Variants in NAPB observed in about 807,000 individuals in gnomAD.
NAPB encodes the protein beta-soluble NSF attachment protein.
A neutral mutation model predicts 44.7 loss-of-function variants in NAPB; 26 were observed. The ratio of observed to expected loss-of-function variants is 0.58; its 90% CI spans 0.43 to 0.81. The LOEUF is 0.81. Ranked by LOEUF, NAPB falls within the 30% of genes least tolerant of loss-of-function variation. The pLI, the probability that NAPB is intolerant of heterozygous loss-of-function variation, is 0.00. For synonymous variants in NAPB, 120 were observed against 116.8 expected (o/e 1.03, Z -0.18); for missense variants, 315 against 356.4 (o/e 0.88, Z 0.94).
At chr20:23,379,992 A>C in intron 8 of NAPB, 57 bp from the exon 9 acceptor site, 1 of 1,398,092 alleles carries the variant, frequency 7.2e-7, no homozygotes, top group East Asian at 2.3e-5. Flanking sequence ...AAAGCTTTCA[A>C]CATTCTATCA....
intron 1 of NAPB, among the ~76,000 whole-genome samples, chr20:23,418,733 C>T (rs1391886568): frequency 6.7e-6 from 1 of 150,242 alleles, no homozygotes; most frequent in African/African-American, 2.5e-5. Flanking sequence ...GTCAGGCATT[C>T]GAGACCAGCC....
chr20:23,418,781 CAA>C (rs921452946), intron 1 of NAPB, among the ~76,000 whole-genome samples: 11 of 120,428 alleles, frequency 9.1e-5, no homozygotes, highest in South Asian at 2.6e-4. Context: ...ACTAAAAATA[CAA>C]AAAAAAAAAA....
chr20:23,391,787 A>G (rs1018852788), intron 5 of NAPB, among the ~76,000 whole-genome samples: 7 of 152,244 alleles, frequency 4.6e-5, no homozygotes, highest in Admixed American at 3.3e-4. Flanking sequence ...CTCAAGGATT[A>G]AAAACCGTAA....
intron 7 of NAPB, among the ~76,000 whole-genome samples, chr20:23,384,893 G>T (rs751254111): frequency 6.6e-6 from 1 of 152,152 alleles, no homozygotes; most frequent in African/African-American, 2.4e-5. Flanking sequence ...GCCAAGGCGG[G>T]TGTATCACCG....
intron 7 of NAPB, among the ~76,000 whole-genome samples, chr20:23,385,209 C>A (rs1302442164): frequency 6.6e-6 from 1 of 151,986 alleles, no homozygotes; most frequent in African/African-American, 2.4e-5. Context: ...AAAGAATGGA[C>A]AAACATATCA....
intron 2 of NAPB, among the ~76,000 whole-genome samples, chr20:23,401,823 G>T (rs1219316331): frequency 6.6e-6 from 1 of 152,234 alleles, no homozygotes; most frequent in African/African-American, 2.4e-5. Flanking sequence ...AGAGATTGCA[G>T]TCAGTCAAGA....
chr20:23,413,460 C>G (rs973309761), intron 1 of NAPB, among the ~76,000 whole-genome samples: 1 of 151,956 alleles, frequency 6.6e-6, no homozygotes, highest in Admixed American at 6.6e-5. Flanking sequence ...AAACACCTCC[C>G]TAGAAAAATG....
chr20:23,394,810 G>T, intron 5 of NAPB, 112 bp downstream of exon 5: 1 of 1,049,020 alleles, frequency 9.5e-7, no homozygotes, highest in Non-Finnish European at 1.4e-6. Flanking sequence ...TCCAGGCAAG[G>T]CCATCTATGA....
At chr20:23,413,660 G>C (rs1243635704) in intron 1 of NAPB, among the ~76,000 whole-genome samples, 1 of 151,992 alleles carries the variant, frequency 6.6e-6, no homozygotes, top group Non-Finnish European at 1.5e-5. Flanking sequence ...TACTAAAACA[G>C]AACATTTTTA....
intron 1 of NAPB, among the ~76,000 whole-genome samples, chr20:23,413,395 A>G (rs185332553): frequency 3.3e-5 from 5 of 152,332 alleles, no homozygotes; most frequent in Admixed American, 3.3e-4. Flanking sequence ...TAAGAAAAAA[A>G]TGTATAGCCA....
chr20:23,377,203 C>A lies in NAPB; in HGVS notation c.*173G>T. On this transcript the variant is annotated 3_prime_UTR_variant, in exon 11 of 11. Transcript: ENST00000377026. ...TCATTACCACAAGATGAACAGGAGC[C>A]TCTCCTTCATTCATTTCACAGCAAC... 7.9e-6 allele frequency: 3 copies of A among 380,136 alleles called. No homozygotes were observed. The highest frequency in any genetic ancestry group is 9.5e-5 in the South Asian group (1 of 10,530). The allele number at this position is 380,136 out of a possible 1,614,324, so 23.5% of individuals were successfully genotyped here.
In NAPB at chr20:23,421,438, G is replaced by C. The variant is rs1248017961; in HGVS notation, c.-36C>G. 2.0e-5 allele frequency: 30 copies of C among 1,527,336 alleles called. No homozygotes were observed. Among genetic ancestry groups the C allele is most frequent in the Non-Finnish European group, 2.6e-5 (29 of 1,133,964 alleles). 94.6% of individuals were successfully genotyped at this position (1,527,336 alleles called of 1,614,324 possible). ...GCGGCCGCCACAGCCCCCTCAGCCG[G>C]CTCGCTGTGCGCCCAGGCGCCTTAA... On this transcript the variant is annotated 5_prime_UTR_variant, in exon 1 of 11. Transcript: ENST00000377026.
intron 5 of NAPB, among the ~76,000 whole-genome samples, chr20:23,394,644 AG>A (rs1444964834): frequency 6.6e-6 from 1 of 152,214 alleles, no homozygotes; most frequent in Non-Finnish European, 1.5e-5. Flanking sequence ...ATACAGCTGA[AG>A]GTTCTTTTGG....
intron 10 of NAPB, 43 bp from the exon 11 acceptor site, chr20:23,377,529 C>T: frequency 7.6e-7 from 1 of 1,311,772 alleles, no homozygotes; most frequent in Non-Finnish European, 1.1e-6. Flanking sequence ...CATGTAAATA[C>T]ATTAAAAACA....
In NAPB at chr20:23,377,439, G is replaced by T; in HGVS notation, c.834C>A (p.Thr278=). Residue 278 remains threonine (T), a synonymous_variant, in exon 11 of 11, where the codon ACC becomes ACA. Transcript: ENST00000377026. The stretch of plus-strand genomic sequence containing the variant: ...TGGACTTTTTGATGCGAAGCAACAT[G>T]GTGGTCAGCCACTGATCCAAGCGAG... ...SISRLDQWLT[T]MLLRIKKSIQ... 1 of 1,607,134 alleles carries T rather than the reference G, an allele frequency of 6.2e-7. No individual in the cohort carries two copies. Among genetic ancestry groups the T allele is most frequent in the African/African-American group, 1.3e-5 (1 of 74,970 alleles).
intron 5 of NAPB, among the ~76,000 whole-genome samples, chr20:23,394,352 T>C (rs1160650519): frequency 6.6e-6 from 1 of 152,068 alleles, no homozygotes; most frequent in Non-Finnish European, 1.5e-5. Flanking sequence ...TCACAGGTTG[T>C]AGAGAAAGAG....
intron 2 of NAPB, among the ~76,000 whole-genome samples, chr20:23,399,453 C>T (rs1487766143): frequency 8.5e-5 from 13 of 152,200 alleles, no homozygotes; most frequent in Admixed American, 8.5e-4. Context: ...ACAGTCCTCA[C>T]CAAATACGGG....
chr20:23,411,670 G>T (rs1985667564), intron 1 of NAPB, among the ~76,000 whole-genome samples: 1 of 152,008 alleles, frequency 6.6e-6, no homozygotes, highest in Non-Finnish European at 1.5e-5. Context: ...AACAAGAGAT[G>T]TAGAACGTGC....
At chr20:23,406,139 T>C (rs2424541) in intron 1 of NAPB, among the ~76,000 whole-genome samples, 45,209 of 152,058 alleles carry the variant, frequency 0.3, 6,765 homozygotes, top group Middle Eastern at 0.38. Flanking sequence ...CCTCACCAGA[T>C]ACCAGACGCT....
Sources: gnomAD v4.1 joint callset for allele counts (sites outside exome capture counted in the v4.1 genomes callset) on GRCh38, gnomAD v4.1.1 for gene constraint, MANE v1.5 for transcripts, NCBI Gene and HGNC (gene_info 2026-07-23, HGNC 2026-07-21) for gene names.